The following APBB3 variants were observed in gnomAD, a reference collection of about 807,000 sequenced individuals.
APBB3 encodes the protein amyloid-beta A4 precursor protein-binding family B member 3.
Under a neutral mutation model 61.5 loss-of-function variants are expected in APBB3, and 50 were observed. The observed-to-expected ratio is 0.81, with a 90% CI of 0.65 to 1.03. The LOEUF (loss-of-function observed/expected upper bound fraction) is 1.03. Ranked by LOEUF, APBB3 falls within the 50% of genes least tolerant of loss-of-function variation. The probability of loss-of-function intolerance (pLI) is 0.00; values close to 1 mark genes in which losing one functional copy is unlikely to be tolerated. For synonymous variants in APBB3, 235 were observed against 233.0 expected, an observed-to-expected ratio of 1.01 and a Z score of -0.08; for missense variants, 550 against 637.4, an observed-to-expected ratio of 0.86 and a Z score of 1.48.
intron 7 of APBB3, 41 bp downstream of exon 7, chr5:140,561,803 G>A (rs1427850924): frequency 1.2e-6 from 2 of 1,613,964 alleles, no homozygotes; most frequent in Admixed American, 1.7e-5. Context: ...ATGGAGTAGG[G>A]ACATCAGGGA....
Position 140,564,166 on chromosome 5 carries a change from T to G in APBB3, c.49+31A>C. 6.2e-7 allele frequency: 1 copy of G among 1,613,936 alleles called. No individual in the cohort carries two copies. Among genetic ancestry groups the G allele is most frequent in the Non-Finnish European group, 8.5e-7 (1 of 1,179,918 alleles). ...GATTCCCTCGTCCTCCCTCAGCTCC[T>G]GGTCTTCCCACCGGGCCCCTCCGTG... On this transcript the variant is annotated intron_variant, in intron 1 of 12. Coordinates refer to ENST00000357560, the MANE Select transcript of APBB3 (RefSeq NM_133173.3). The surrounding 1 kb of genome is among the most constrained non-coding windows in gnomAD (Gnocchi z 5.0).
chr5:140,561,927 C>T (rs778753457), intron 6 of APBB3, 78 bp from the exon 7 acceptor site: 19 of 1,611,978 alleles, frequency 1.2e-5, no homozygotes, highest in East Asian at 6.7e-5. Context: ...CCCTGCTGAG[C>T]TGGGCCCACC....
chr5:140,558,708 A>G lies in APBB3; in HGVS notation c.1338T>C (p.Gly446=), dbSNP rs1183069278. ...KRTSSMDSPG[G]PLPLPLLKGG... Reference sequence around the variant, plus strand: ...CTTTGAGCAGGGGGAGGGGCAGGGGACCTCCTGGGGAATCCATGGAGCTGG... The same window carrying G: ...CTTTGAGCAGGGGGAGGGGCAGGGGGCCTCCTGGGGAATCCATGGAGCTGG... Residue 446 remains glycine (G), a synonymous_variant, in exon 13 of 13, where the codon GGT becomes GGC. Coordinates refer to ENST00000357560, the MANE Select transcript of APBB3 (RefSeq NM_133173.3). The G allele has an allele frequency of 6.2e-7, 1 of 1,610,498 alleles. No individual in the cohort carries two copies. The highest frequency in any genetic ancestry group is 8.5e-7 in the Non-Finnish European group (1 of 1,179,104).
Position 140,560,558 on chromosome 5 carries a change from A to G in APBB3, c.1033-54T>C. The G allele has an allele frequency of 6.2e-7, 1 of 1,606,058 alleles. No individual in the cohort carries two copies. On this transcript the variant is annotated intron_variant, in intron 11 of 12. Coordinates refer to ENST00000357560, the MANE Select transcript of APBB3 (RefSeq NM_133173.3). This position sits in a 1 kb window ranked among gnomAD's most constrained non-coding sequence, Gnocchi z 5.1. ...GGCCAAGCACGGGCCAGACCCACTTAACTTTTCCGACAGCAAGCAGTGACC... is the reference window on the plus strand; with the variant it reads ...GGCCAAGCACGGGCCAGACCCACTTGACTTTTCCGACAGCAAGCAGTGACC...
In APBB3 at chr5:140,562,553, G is replaced by C. The variant is rs533278949; in HGVS notation, c.352-54C>G. ...TAATAAGGATGGAGTAGGGTGGCAG[G>C]TGCCACAATACATACTCCCTGTCTT... On this transcript the variant is annotated intron_variant, in intron 4 of 12. Coordinates refer to ENST00000357560, the MANE Select transcript of APBB3 (RefSeq NM_133173.3). 24 of 1,609,842 alleles carry C rather than the reference G, an allele frequency of 1.5e-5. No homozygotes were observed. In the Admixed American group the frequency reaches 4.0e-4, roughly 27 times the overall value.
rs780960833 is a variant in APBB3 at position 140,560,279 on chromosome 5, C to T, written c.1224+34G>A. The T allele has an allele frequency of 6.3e-7, 1 of 1,597,488 alleles. No homozygotes were observed. Among genetic ancestry groups the T allele is most frequent in the Non-Finnish European group, 8.6e-7 (1 of 1,167,936 alleles). On this transcript the variant is annotated intron_variant, in intron 12 of 12. Transcript: ENST00000357560. This position sits in a 1 kb window ranked among gnomAD's most constrained non-coding sequence, Gnocchi z 5.1. Reference sequence around the variant, plus strand: ...TAAACAGTGGAGAGCAGCTGCAGGGCAATCCCACCAACCCATTCCCACCCA... The same window carrying T: ...TAAACAGTGGAGAGCAGCTGCAGGGTAATCCCACCAACCCATTCCCACCCA...
At chr5:140,563,704 A>G in intron 2 of APBB3, 34 bp from the exon 3 acceptor site, 1 of 1,613,912 alleles carries the variant, frequency 6.2e-7, no homozygotes, top group Non-Finnish European at 8.5e-7. Flanking sequence ...TTAACAGCAG[A>G]CCTAGGTCCA....
intron 1 of APBB3, 57 bp from the exon 2 acceptor site, chr5:140,563,972 C>T: frequency 6.3e-7 from 1 of 1,587,738 alleles, no homozygotes; most frequent in South Asian, 1.1e-5. Flanking sequence ...TTCAGAATAA[C>T]ATGCTGTCAT....
Position 140,563,886 on chromosome 5 carries a change from C to G in APBB3, c.79G>C (p.Val27Leu). The G allele has an allele frequency of 6.2e-7, 1 of 1,614,078 alleles. No homozygotes were observed. The highest frequency in any genetic ancestry group is 8.5e-7 in the Non-Finnish European group (1 of 1,180,010). ...DDLWGDHSLEVEAGLPPGWRK... is the reference protein window; with the variant it reads ...DDLWGDHSLELEAGLPPGWRK... ...CAGCCAGGAGGCAGGCCAGCCTCCA[C>G]CTCCAGACTGTGGTCCCCCCACAAG... Residue 27 changes from valine (V) to leucine (L), a missense_variant, in exon 2 of 13, where the codon GTG (valine) becomes CTG (leucine). Coordinates refer to ENST00000357560, the MANE Select transcript of APBB3 (RefSeq NM_133173.3).
rs904274234 is a variant in APBB3 at position 140,562,301 on chromosome 5, C to T, written c.498+52G>A. 4.3e-6 allele frequency: 7 copies of T among 1,610,954 alleles called. No individual in the cohort carries two copies. The African/African-American group carries it at 5.3e-5, about 12-fold the overall frequency. ...TGAGAAATAGGAAATTCAGGGACAGCTACCTCTGCTGGGCCCTGGGCCCAA... is the reference window on the plus strand; with the variant it reads ...TGAGAAATAGGAAATTCAGGGACAGTTACCTCTGCTGGGCCCTGGGCCCAA... On this transcript the variant is annotated intron_variant, in intron 5 of 12. Coordinates refer to ENST00000357560, the MANE Select transcript of APBB3 (RefSeq NM_133173.3).
Position 140,560,467 on chromosome 5 carries a change from C to T in APBB3, c.1070G>A (p.Cys357Tyr). Residue 357 changes from cysteine (C) to tyrosine (Y), a missense_variant, in exon 12 of 13, where the codon TGC becomes TAC. Around this residue, in one of 3 missense-constraint regions of APBB3, gnomAD observed 405 missense variants for 483.4 expected, o/e 0.84. Coordinates refer to ENST00000357560, the MANE Select transcript of APBB3 (RefSeq NM_133173.3). The surrounding 1 kb of genome is among the most constrained non-coding windows in gnomAD (Gnocchi z 5.1). ...ASTEEEPLWQ[C>Y]PVRLVTFIGV... ...AATAAATGTCACAAGGCGCACAGGG[C>T]ACTGCCACAATGGCTCCTCCTCTGT... 1 of 1,614,094 alleles carries T rather than the reference C, an allele frequency of 6.2e-7. No individual in the cohort carries two copies. The highest frequency in any genetic ancestry group is 8.5e-7 in the Non-Finnish European group (1 of 1,180,012).
Position 140,561,881 on chromosome 5 carries a change from G to A in APBB3, c.627-32C>T, listed in dbSNP as rs751052835. 13 of 1,613,434 alleles carry A rather than the reference G, an allele frequency of 8.1e-6. No individual in the cohort carries two copies. In the African/African-American group the frequency reaches 1.5e-4, roughly 18 times the overall value. ...CGGAAGCATGTGGGAGCACAGAAGG[G>A]AATCAGCCCAGCCTCTCGGACTCTC... On this transcript the variant is annotated intron_variant, in intron 6 of 12. Transcript: ENST00000357560.
At position 140,560,909 on chromosome 5, in the gene APBB3, G is replaced by A; in HGVS notation, c.916+109C>T. On this transcript the variant is annotated intron_variant, in intron 10 of 12. Transcript: ENST00000357560. The surrounding 1 kb of genome is among the most constrained non-coding windows in gnomAD (Gnocchi z 5.1). ...ATTTGGGAAGGCTGGTAGACCCCAG[G>A]CCATAACAAGGCCACGGGAGGACTC... is the stretch of plus-strand genomic sequence containing the variant. The A allele has an allele frequency of 2.8e-6, 4 of 1,407,184 alleles. No homozygotes were observed. Among genetic ancestry groups the A allele is most frequent in the Non-Finnish European group, 3.9e-6 (4 of 1,013,748 alleles). 87.2% of individuals were successfully genotyped at this position (1,407,184 alleles called of 1,614,324 possible).
Position 140,564,019 on chromosome 5 carries a change from G to A in APBB3, c.50-104C>T. The A allele has an allele frequency of 4.7e-6, 7 of 1,499,744 alleles. No individual in the cohort carries two copies. Among genetic ancestry groups the A allele is most frequent in the Non-Finnish European group, 6.3e-6 (7 of 1,109,758 alleles). 92.9% of individuals were successfully genotyped at this position (1,499,744 alleles called of 1,614,324 possible). On this transcript the variant is annotated intron_variant, in intron 1 of 12. Transcript: ENST00000357560. This position sits in a 1 kb window ranked among gnomAD's most constrained non-coding sequence, Gnocchi z 5.0. Reference sequence around the variant, plus strand: ...CATCCCCAAAATGGGTCAGTTCTTAGGCTGAAGATCCAGGCTCCTCAATCT... The same window carrying A: ...CATCCCCAAAATGGGTCAGTTCTTAAGCTGAAGATCCAGGCTCCTCAATCT...
In APBB3 at chr5:140,563,876, C is replaced by A. The variant is rs1755087721; in HGVS notation, c.89G>T (p.Gly30Val). The A allele has an allele frequency of 1.2e-6, 2 of 1,613,940 alleles. No individual in the cohort carries two copies. The highest frequency in any genetic ancestry group is 1.7e-6 in the Non-Finnish European group (2 of 1,180,006). ...WGDHSLEVEA[G>V]LPPGWRKIHD... The stretch of plus-strand genomic sequence containing the variant: ...GATCTTCCTCCAGCCAGGAGGCAGG[C>A]CAGCCTCCACCTCCAGACTGTGGTC... Residue 30 changes from glycine (G) to valine (V), a missense_variant, in exon 2 of 13, where the codon GGC (glycine) becomes GTC (valine). By Grantham distance (109) the Gly-to-Val change is moderately radical (BLOSUM62 -3). Around this residue, in one of 3 missense-constraint regions of APBB3, gnomAD observed 405 missense variants for 483.4 expected, o/e 0.84. Transcript: ENST00000357560.
In APBB3 at chr5:140,564,235, T is replaced by C. The variant is rs760328855; in HGVS notation, c.11A>G (p.Lys4Arg). The C allele has an allele frequency of 6.2e-7, 1 of 1,612,592 alleles. No individual in the cohort carries two copies. Residue 4 changes from lysine to arginine, a missense_variant, in exon 1 of 13, where the codon AAG (lysine) becomes AGG (arginine). Lys to Arg is a conservative substitution (Grantham distance 26, BLOSUM62 2). Around this residue, in one of 3 missense-constraint regions of APBB3, gnomAD observed 405 missense variants for 483.4 expected, o/e 0.84. Transcript: ENST00000357560. The surrounding 1 kb of genome is among the most constrained non-coding windows in gnomAD (Gnocchi z 5.0). ...CAGAATGATGGCCAGCATGTAATCC[T>C]TGCCCAGCATAACCCCGGCTGCTCC... MLGKDYMLAIILVN... is the reference protein window; with the variant it reads MLGRDYMLAIILVN...
chr5:140,562,590 A>T, intron 4 of APBB3, 73 bp downstream of exon 4: 1 of 1,609,018 alleles, frequency 6.2e-7, no homozygotes, highest in Non-Finnish European at 8.5e-7. Context: ...ACCCTTGATC[A>T]CCTCTGTTCA....
In APBB3 at chr5:140,564,445, G is replaced by A. The variant is rs967050012; in HGVS notation, c.-200C>T. 4.9e-6 allele frequency: 3 copies of A among 615,264 alleles called. No homozygotes were observed. The highest frequency in any genetic ancestry group is 3.0e-5 in the Admixed American group (1 of 33,134). 38.1% of individuals were successfully genotyped at this position (615,264 alleles called of 1,614,324 possible). A position where few individuals can be genotyped will look rare whatever the true frequency, so the allele number is the denominator to read the frequency against. On this transcript the variant is annotated 5_prime_UTR_variant, in exon 1 of 13. Coordinates refer to ENST00000357560, the MANE Select transcript of APBB3 (RefSeq NM_133173.3). The surrounding 1 kb of genome is among the most constrained non-coding windows in gnomAD (Gnocchi z 5.0). ...GGCCTGAGCCGCACAGCCCGCCCAG[G>A]GGTGGTGCGTGTAAACGGGCGTCTG...
rs976251429 is a variant in APBB3, at chr5:140,564,549, G to T, written c.-304C>A. 1 of 563,898 alleles carries T rather than the reference G, an allele frequency of 1.8e-6. No homozygotes were observed. The highest frequency in any genetic ancestry group is 3.1e-6 in the Non-Finnish European group (1 of 318,392). 34.9% of individuals were successfully genotyped at this position (563,898 alleles called of 1,614,324 possible). ...CGCCAGCGAAACCGCTGACACCACC[G>T]CCCAACTATGAACTCATCAGGCGCC... On this transcript the variant is annotated 5_prime_UTR_variant, in exon 1 of 13. Transcript: ENST00000357560. The surrounding 1 kb of genome is among the most constrained non-coding windows in gnomAD (Gnocchi z 5.0).
Sources: gnomAD v4.1 joint callset for allele counts on GRCh38, gnomAD v4.1.1 for gene constraint, gnomAD v4.1.1 regional missense constraint, Gnocchi (gnomAD v3.1) non-coding constraint, MANE v1.5 for transcripts, NCBI Gene and HGNC (gene_info 2026-07-23, HGNC 2026-07-21) for gene names.